The following PARN variants were observed in gnomAD, a reference collection of about 807,000 sequenced individuals.
PARN encodes poly(A)-specific ribonuclease.
A neutral mutation model predicts 102.8 loss-of-function variants in PARN; 71 were observed. The ratio of observed to expected loss-of-function variants is 0.69; its 90% CI spans 0.57 to 0.84. The LOEUF is 0.84. Ranked by LOEUF, PARN falls within the 40% of genes least tolerant of loss-of-function variation. The pLI is 0.00. For synonymous variants in PARN, 261 were observed against 252.9 expected (o/e 1.03, Z -0.30); for missense variants, 782 against 760.9 (o/e 1.03, Z -0.33).
At position 14,463,848 on chromosome 16, in the gene PARN, G is replaced by GA. The variant is rs1567295213; in HGVS notation, c.1671-16768_1671-16767insT. On this transcript the variant is annotated intron_variant, in intron 22 of 23. Transcript: ENST00000437198. ...CCAAACTTTTTTTTTTGGGGGGGGG[G>GA]GGACGACAAGGTCTCACTCTGTCAC... Among the ~76,000 whole-genome samples the GA allele has an allele frequency of 6.5e-5, 9 of 139,436 alleles. 2 individuals carry two copies. The highest frequency in any genetic ancestry group is 9.4e-5 in the Non-Finnish European group (6 of 63,730). The allele number at this position is 139,436 out of a possible 152,430, so 91.5% of individuals were successfully genotyped here. A position where few individuals can be genotyped will look rare whatever the true frequency, so the allele number is the denominator to read the frequency against.
At position 14,584,811 on chromosome 16, in the gene PARN, A is replaced by C; in HGVS notation, c.963-20T>G. ...AAGAGTCTAAAAAGAATTTTTAACA[A>C]GGTAAACAAAATGTATATCAATGTT... On this transcript the variant is annotated intron_variant, in intron 14 of 23. Transcript: ENST00000437198. 4.1e-6 allele frequency: 6 copies of C among 1,447,712 alleles called. No homozygotes were observed. Among genetic ancestry groups the C allele is most frequent in the Non-Finnish European group, 5.7e-6 (6 of 1,060,604 alleles). The allele number at this position is 1,447,712 out of a possible 1,614,324, so 89.7% of individuals were successfully genotyped here. A position where few individuals can be genotyped will look rare whatever the true frequency, so the allele number is the denominator to read the frequency against.
At chr16:14,487,202 A>G (rs541364542) in intron 21 of PARN, among the ~76,000 whole-genome samples, 1 of 152,394 alleles carries the variant, frequency 6.6e-6, no homozygotes, top group East Asian at 1.9e-4. Flanking sequence ...GAGACTGAGC[A>G]TCGGAGAAAC....
chr16:14,507,171 A>G (rs1287236148), intron 21 of PARN, among the ~76,000 whole-genome samples: 1 of 152,046 alleles, frequency 6.6e-6, no homozygotes, highest in African/African-American at 2.4e-5. Flanking sequence ...TACTAAAAAT[A>G]CAAAATTAGC....
At chr16:14,527,994 C>T (rs898830173) in intron 21 of PARN, among the ~76,000 whole-genome samples, 2 of 152,120 alleles carry the variant, frequency 1.3e-5, no homozygotes, top group Admixed American at 6.5e-5. Context: ...TGGGGATGAC[C>T]ACAAAAGCAC....
intron 18 of PARN, among the ~76,000 whole-genome samples, chr16:14,557,628 T>C (rs1039399426): frequency 2.9e-5 from 4 of 139,988 alleles, no homozygotes; most frequent in East Asian, 2.1e-4. Context: ...GCATGAACAA[T>C]ACTGTTCTGT....
At position 14,460,008 on chromosome 16, in the gene PARN, T is replaced by C. The variant is rs529917646; in HGVS notation, c.1671-12927A>G. On this transcript the variant is annotated intron_variant, in intron 22 of 23. Coordinates refer to ENST00000437198, the MANE Select transcript of PARN (RefSeq NM_002582.4). ...AACTTGAAATAGATCATATATCTAA[T>C]ATAAAACTGAGAATAATTAAAAACT... is the stretch of plus-strand genomic sequence containing the variant. Among the ~76,000 whole-genome samples the C allele has an allele frequency of 3.9e-5, 6 of 152,342 alleles. No homozygotes were observed. In the South Asian group the frequency reaches 8.3e-4, roughly 21 times the overall value.
intron 21 of PARN, among the ~76,000 whole-genome samples, chr16:14,547,965 C>T (rs906693862): frequency 2.6e-5 from 4 of 152,068 alleles, no homozygotes; most frequent in African/African-American, 7.2e-5. Context: ...TTAATAGGGG[C>T]CGGGCGCGGT....
At chr16:14,560,863 CAGGCGGTAT>C (rs1269810082) in intron 18 of PARN, among the ~76,000 whole-genome samples, 1 of 152,218 alleles carries the variant, frequency 6.6e-6, no homozygotes, top group African/African-American at 2.4e-5. Flanking sequence ...TTTTGTGAAA[CAGGCGGTAT>C]AGGCCGGGCG....
chr16:14,625,072 T>C (rs905557069), intron 5 of PARN, among the ~76,000 whole-genome samples: 2 of 151,882 alleles, frequency 1.3e-5, no homozygotes, highest in Admixed American at 1.3e-4. Context: ...TCTGCTTTTG[T>C]TTGATTAACC....
chr16:14,463,840 G>GC (rs1199945523), intron 22 of PARN, among the ~76,000 whole-genome samples: 1 of 126,844 alleles, frequency 7.9e-6, no homozygotes, highest in Non-Finnish European at 1.7e-5. Context: ...TTTTTTTTTG[G>GC]GGGGGGGGGG....
intron 22 of PARN, among the ~76,000 whole-genome samples, chr16:14,464,726 AG>A (rs1962217976): frequency 6.6e-6 from 1 of 152,196 alleles, no homozygotes; most frequent in Non-Finnish European, 1.5e-5. Flanking sequence ...ACTGCACTCC[AG>A]CCTGGGCAAC....
At chr16:14,542,664 A>G (rs1484845442) in intron 21 of PARN, among the ~76,000 whole-genome samples, 1 of 152,186 alleles carries the variant, frequency 6.6e-6, no homozygotes, top group Non-Finnish European at 1.5e-5. Flanking sequence ...ATGAAAATAC[A>G]TAACTAAAGT....
intron 23 of PARN, among the ~76,000 whole-genome samples, chr16:14,445,105 GTT>G (rs1961139375): frequency 6.7e-6 from 1 of 148,356 alleles, no homozygotes; most frequent in Admixed American, 7.0e-5. Context: ...TGGGATTATA[GTT>G]GTGAGCTACC....
intron 3 of PARN, 137 bp downstream of exon 3, chr16:14,628,035 T>A (rs1417013613): frequency 6.2e-6 from 4 of 643,042 alleles, no homozygotes; most frequent in African/African-American, 5.6e-5. Context: ...AAAAAAAAAA[T>A]CACTTCATGG....
rs1158224533 is a variant in PARN, at chr16:14,451,946, GGA to G, written c.1671-4867_1671-4866del. ...GCATGCCTGTAGTCCCAGCTATTTG[GGA>G]GGCTGAGGTGGGAGGATTGCTTGAG... On this transcript the variant is annotated intron_variant, in intron 22 of 23. Transcript: ENST00000437198. Among the ~76,000 whole-genome samples the G allele has an allele frequency of 2.7e-5, 4 of 148,050 alleles. No homozygotes were observed. In the East Asian group the frequency reaches 7.9e-4, roughly 29 times the overall value.
intron 23 of PARN, among the ~76,000 whole-genome samples, chr16:14,443,176 C>T (rs1241535630): frequency 2.0e-5 from 3 of 152,096 alleles, no homozygotes; most frequent in African/African-American, 7.2e-5. Flanking sequence ...AGTATAAACC[C>T]AATAAATAGT....
intron 23 of PARN, among the ~76,000 whole-genome samples, chr16:14,443,665 G>C (rs772518559): frequency 6.6e-5 from 10 of 152,192 alleles, no homozygotes; most frequent in Non-Finnish European, 1.2e-4. Flanking sequence ...AATTTGTTTT[G>C]TGTGGTATTT....
At chr16:14,596,974 A>G (rs1970557131) in intron 12 of PARN, among the ~76,000 whole-genome samples, 1 of 151,758 alleles carries the variant, frequency 6.6e-6, no homozygotes. Context: ...TTCATTAGAG[A>G]TGGTATTTCA....
chr16:14,508,063 T>C (rs1401253135), intron 21 of PARN, among the ~76,000 whole-genome samples: 1 of 152,224 alleles, frequency 6.6e-6, no homozygotes, highest in Non-Finnish European at 1.5e-5. Context: ...TGGGTGATTA[T>C]GTTTCATTAT....
Sources: gnomAD v4.1 joint callset for allele counts (sites outside exome capture counted in the v4.1 genomes callset) on GRCh38, gnomAD v4.1.1 for gene constraint, MANE v1.5 for transcripts, NCBI Gene and HGNC (gene_info 2026-07-23, HGNC 2026-07-21) for gene names.